POU1F1: variants seen among roughly 807,000 people sequenced by gnomAD.
POU1F1 encodes POU class 1 homeobox 1, also known as pituitary-specific positive transcription factor 1.
A neutral mutation model predicts 32.3 loss-of-function variants in POU1F1; 23 were observed. The ratio of observed to expected loss-of-function variants is 0.71; its 90% CI spans 0.51 to 1.01. The LOEUF (loss-of-function observed/expected upper bound fraction) is 1.01. Among genes scored for constraint, POU1F1 ranks in the 50% least tolerant of loss-of-function variants. The pLI is 0.00. For synonymous variants in POU1F1, 120 were observed against 115.6 expected, an observed-to-expected ratio of 1.04 and a Z score of -0.25; for missense variants, 323 against 341.6, an observed-to-expected ratio of 0.95 and a Z score of 0.43.
intron 2 of POU1F1, among the ~76,000 whole-genome samples, chr3:87,271,982 A>C (rs2106939154): frequency 6.6e-6 from 1 of 152,228 alleles, no homozygotes; most frequent in Non-Finnish European, 1.5e-5. Context: ...TACATGGACA[A>C]ATTTTGAGAT....
chr3:87,261,256 T>A lies in POU1F1; in HGVS notation c.665+17A>T. ...ATACCAGTTTTGTCCTCTAGTAACT[T>A]TTAATATAAAGAATACCTTATAGTT... On this transcript the variant is annotated intron_variant, in intron 5 of 5. Coordinates refer to ENST00000350375, the MANE Select transcript of POU1F1 (RefSeq NM_000306.4). The A allele has an allele frequency of 3.9e-6, 6 of 1,531,010 alleles. No individual in the cohort carries two copies. Among genetic ancestry groups the A allele is most frequent in the Non-Finnish European group, 5.4e-6 (6 of 1,116,358 alleles). The allele number at this position is 1,531,010 out of a possible 1,614,324, so 94.8% of individuals were successfully genotyped here. A position where few individuals can be genotyped will look rare whatever the true frequency, so the allele number is the denominator to read the frequency against.
rs770487074 is a variant in POU1F1 at position 87,273,364 on chromosome 3, G to A, written c.197C>T (p.Thr66Ile). The change falls in exon 2 of 6, where the codon ACC (threonine) becomes ATC (isoleucine). Residue 66 changes from threonine (T) to isoleucine (I), a missense_variant. Transcript: ENST00000350375. ...TTTCTTACCTGCCATCACTCCATAG[G>A]TTGATGGCTGGTTTCCATAATGACA... ...PSCHYGNQPS[T>I]YGVMAGSLTP... 10 of 1,612,282 alleles carry A rather than the reference G, an allele frequency of 6.2e-6. No individual in the cohort carries two copies. The highest frequency in any genetic ancestry group is 1.7e-5 in the Admixed American group (1 of 59,826).
At chr3:87,263,644 A>C (rs967572789) in intron 3 of POU1F1, among the ~76,000 whole-genome samples, 4 of 152,076 alleles carry the variant, frequency 2.6e-5, no homozygotes, top group African/African-American at 9.7e-5. Flanking sequence ...TATTTATATG[A>C]GTGCAAAATA....
intron 2 of POU1F1, among the ~76,000 whole-genome samples, chr3:87,271,491 T>C (rs1460064602): frequency 6.6e-6 from 1 of 152,168 alleles, no homozygotes; most frequent in Non-Finnish European, 1.5e-5. Flanking sequence ...GCCTCTGTGC[T>C]GGGTTAAGAG....
In POU1F1 at chr3:87,261,353, G is replaced by C. The variant is rs1439261393; in HGVS notation, c.605-20C>G. 1 of 1,555,242 alleles carries C rather than the reference G, an allele frequency of 6.4e-7. No individual in the cohort carries two copies. The highest frequency in any genetic ancestry group is 1.4e-5 in the African/African-American group (1 of 73,760). On this transcript the variant is annotated intron_variant, in intron 4 of 5. Transcript: ENST00000350375. ...ACAAAGCTATAATGTGGAAAAGAGA[G>C]ATAATTACAAACACAAAGTAGACTT... is the stretch of plus-strand genomic sequence containing the variant.
intron 2 of POU1F1, among the ~76,000 whole-genome samples, chr3:87,267,688 A>G (rs1559616848): frequency 1.3e-5 from 2 of 152,160 alleles, no homozygotes; most frequent in East Asian, 1.9e-4. Flanking sequence ...GCTCATTGCA[A>G]TCTCAAATTT....
chr3:87,263,109 T>TA (rs1236845956), intron 3 of POU1F1, among the ~76,000 whole-genome samples: 1 of 152,096 alleles, frequency 6.6e-6, no homozygotes. Flanking sequence ...TTCAATCCAT[T>TA]AAAAAAATAC....
chr3:87,261,431 A>G (rs1706513516), intron 4 of POU1F1, 98 bp from the exon 5 acceptor site: 1 of 916,712 alleles, frequency 1.1e-6, no homozygotes, highest in South Asian at 1.6e-5. Flanking sequence ...AAAACAATGC[A>G]AAATAAAAAT....
chr3:87,273,919 G>A (rs1390226254), intron 1 of POU1F1, among the ~76,000 whole-genome samples: 3 of 152,134 alleles, frequency 2.0e-5, no homozygotes, highest in Non-Finnish European at 4.4e-5. Context: ...GCGTATTTTT[G>A]CTTATTTGTC....
rs1425137250 is a variant in POU1F1 at position 87,259,958 on chromosome 3, C to G, written c.812G>C (p.Arg271Pro). 6.2e-7 allele frequency: 1 copy of G among 1,614,084 alleles called. No homozygotes were observed. The highest frequency in any genetic ancestry group is 8.5e-7 in the Non-Finnish European group (1 of 1,179,992). The change falls in exon 6 of 6, where the codon CGG becomes CCG. Residue 271 changes from arginine (R) to proline (P), a missense_variant. Transcript: ENST00000350375. ...WFCNRRQREK[R>P]VKTSLNQSLF... ...ACTCTGATTCAGACTTGTTTTCACC[C>G]GTTTTTCTCTCTGCCTCCGGTTGCA...
Position 87,276,313 on chromosome 3 carries a change from G to A in POU1F1, c.142+8C>T, listed in dbSNP as rs377392687. On this transcript the variant is annotated splice_region_variant and intron_variant, in intron 1 of 5. Coordinates refer to ENST00000350375, the MANE Select transcript of POU1F1 (RefSeq NM_000306.4). ...CGGTCATATGTAAACTGTCATAGGA[G>A]TCAGTACCTGTAGACATCACATTGG... 2 of 1,613,412 alleles carry A rather than the reference G, an allele frequency of 1.2e-6. No homozygotes were observed. The highest frequency in any genetic ancestry group is 1.3e-5 in the African/African-American group (1 of 74,896).
Position 87,276,539 on chromosome 3 carries a change from G to A in POU1F1, c.-77C>T, listed in dbSNP as rs1575984686. ...TTTTATTATATTACTGTCTCAAAGG[G>A]CCGATTCAATTCTCACTACCTGCAT... On this transcript the variant is annotated 5_prime_UTR_variant, in exon 1 of 6. Transcript: ENST00000350375. 6 of 1,525,966 alleles carry A rather than the reference G, an allele frequency of 3.9e-6. No individual in the cohort carries two copies. The East Asian group carries it at 9.6e-5, about 24-fold the overall frequency. 94.5% of individuals were successfully genotyped at this position (1,525,966 alleles called of 1,614,324 possible). A position where few individuals can be genotyped will look rare whatever the true frequency, so the allele number is the denominator to read the frequency against.
At chr3:87,264,575 A>G in intron 2 of POU1F1, 63 bp from the exon 3 acceptor site, 1 of 1,366,508 alleles carries the variant, frequency 7.3e-7, no homozygotes, top group Non-Finnish European at 1.0e-6. Flanking sequence ...TTTCTATATA[A>G]GAAAGGGTTT....
intron 3 of POU1F1, among the ~76,000 whole-genome samples, chr3:87,263,699 A>G (rs1706554834): frequency 6.6e-6 from 1 of 152,066 alleles, no homozygotes; most frequent in Non-Finnish European, 1.5e-5. Context: ...TATCAGCCAA[A>G]GATCAGAAAC....
Position 87,276,409 on chromosome 3 carries a change from G to A in POU1F1, c.54C>T (p.Asp18=), listed in dbSNP as rs1478435601. The stretch of plus-strand genomic sequence containing the variant: ...TTATCAGAGGCAGAGTTGCAGAGGC[G>A]TCAGAATTCAGAGGTATAAAGGTAT... ...SADTFIPLNS[D]ASATLPLIMH... The change falls in exon 1 of 6, where the codon GAC becomes GAT. Residue 18 remains aspartate, a synonymous_variant. Transcript: ENST00000350375. 4.3e-6 allele frequency: 7 copies of A among 1,613,944 alleles called. No individual in the cohort carries two copies. Among genetic ancestry groups the A allele is most frequent in the Non-Finnish European group, 5.9e-6 (7 of 1,179,906 alleles).
At chr3:87,268,084 C>CT (rs11387958) in intron 2 of POU1F1, among the ~76,000 whole-genome samples, 41,728 of 116,320 alleles carry the variant, frequency 0.36, 10,239 homozygotes, top group Non-Finnish European at 0.52. Flanking sequence ...TTCCCTTTCC[C>CT]TTTTTTTTTT....
At chr3:87,274,639 G>T (rs950515166) in intron 1 of POU1F1, among the ~76,000 whole-genome samples, 10 of 151,328 alleles carry the variant, frequency 6.6e-5, no homozygotes, top group African/African-American at 2.2e-4. Flanking sequence ...ATGCATTACT[G>T]TGCATTCCAA....
chr3:87,270,173 G>A (rs1706698950), intron 2 of POU1F1, among the ~76,000 whole-genome samples: 3 of 152,078 alleles, frequency 2.0e-5, no homozygotes, highest in South Asian at 2.1e-4. Flanking sequence ...AAGGACAGAA[G>A]GAATTTAGCT....
intron 3 of POU1F1, 127 bp from the exon 4 acceptor site, chr3:87,262,362 C>A: frequency 9.9e-7 from 1 of 1,010,614 alleles, no homozygotes; most frequent in Non-Finnish European, 1.5e-6. Flanking sequence ...ATATTCTTGG[C>A]AAATCAGAAT....
Sources: allele counts gnomAD v4.1 joint callset (sites outside exome capture counted in the v4.1 genomes callset), GRCh38; gene constraint gnomAD v4.1.1; transcripts MANE v1.5; gene names NCBI Gene and HGNC (gene_info 2026-07-23, HGNC 2026-07-21).